Variants in STK4 observed in about 807,000 individuals in gnomAD.
STK4 encodes the protein serine/threonine kinase 4.
In STK4, 30 loss-of-function variants were observed where a neutral mutation model predicts 64.9. That is an observed-to-expected ratio of 0.46 (90% CI 0.35 to 0.63). The LOEUF (loss-of-function observed/expected upper bound fraction) is 0.63. STK4 is among the 20% of genes least tolerant of loss of function. The pLI, the probability that STK4 is intolerant of heterozygous loss-of-function variation, is 0.01. For synonymous variants in STK4, 177 were observed against 199.0 expected, an observed-to-expected ratio of 0.89 and a Z score of 0.93; for missense variants, 466 against 598.5, an observed-to-expected ratio of 0.78 and a Z score of 2.31.
intron 9 of STK4, 119 bp downstream of exon 9, chr20:45,001,472 G>A: frequency 2.4e-6 from 3 of 1,271,294 alleles, no homozygotes; most frequent in Non-Finnish European, 3.1e-6. Context: ...ACAACCAAAG[G>A]AGTAGAAAAC....
chr20:45,072,968 G>A lies in STK4; in HGVS notation c.1306-2050G>A, dbSNP rs1423776039. Among the ~76,000 whole-genome samples, 6 of 152,260 alleles carry A rather than the reference G, an allele frequency of 3.9e-5. No individual in the cohort carries two copies. The South Asian group carries it at 1.0e-3, about 26-fold the overall frequency. On this transcript the variant is annotated intron_variant, in intron 10 of 10. Coordinates refer to ENST00000372806, the MANE Select transcript of STK4 (RefSeq NM_006282.5). The stretch of plus-strand genomic sequence containing the variant: ...ATTATCTCATGTAAGTCTTAGTACC[G>A]CCCCAGGGTGGAGGAACAAAATAGT...
chr20:44,969,472 A>G (rs985695273), intron 1 of STK4, among the ~76,000 whole-genome samples: 1 of 152,132 alleles, frequency 6.6e-6, no homozygotes, highest in Non-Finnish European at 1.5e-5. Flanking sequence ...ACCCCAGTGC[A>G]GGAAATGCCC....
At chr20:44,968,539 A>T (rs75641996) in intron 1 of STK4, among the ~76,000 whole-genome samples, 2 of 152,184 alleles carry the variant, frequency 1.3e-5, no homozygotes. Flanking sequence ...TAGTGATCCA[A>T]TTATGAATGC....
intron 10 of STK4, among the ~76,000 whole-genome samples, chr20:45,047,957 G>A (rs929859026): frequency 4.6e-5 from 7 of 152,126 alleles, no homozygotes; most frequent in Admixed American, 6.5e-5. Context: ...AACTCTCTTG[G>A]TCTTTGTTTG....
intron 9 of STK4, among the ~76,000 whole-genome samples, chr20:45,023,117 T>G (rs2068278093): frequency 6.6e-6 from 1 of 152,198 alleles, no homozygotes; most frequent in African/African-American, 2.4e-5. Flanking sequence ...TCTCCCAGGC[T>G]GGAGTGCAGT....
chr20:45,052,667 T>C (rs1417672016), intron 10 of STK4, among the ~76,000 whole-genome samples: 2 of 152,122 alleles, frequency 1.3e-5, no homozygotes, highest in African/African-American at 2.4e-5. Flanking sequence ...GCCTGTTGAG[T>C]GTGTGAATTA....
chr20:45,047,095 A>C (rs2068708497), intron 10 of STK4, among the ~76,000 whole-genome samples: 1 of 152,198 alleles, frequency 6.6e-6, no homozygotes, highest in South Asian at 2.1e-4. Flanking sequence ...TTGGTCTCTT[A>C]AGACTAACTA....
chr20:44,981,803 A>C, intron 3 of STK4, 26 bp from the exon 4 acceptor site: 1 of 1,406,408 alleles, frequency 7.1e-7, no homozygotes, highest in South Asian at 1.2e-5. Context: ...CCATTTTATT[A>C]ATTTGTATTG....
At chr20:44,986,685 G>A (rs2067535910) in intron 4 of STK4, among the ~76,000 whole-genome samples, 1 of 152,214 alleles carries the variant, frequency 6.6e-6, no homozygotes, top group Admixed American at 6.5e-5. Context: ...TTGGACCATG[G>A]TGATTACAGA....
intron 2 of STK4, chr20:44,973,150 T>C (rs1190287339): frequency 6.6e-6 from 1 of 152,230 alleles, no homozygotes; most frequent in Non-Finnish European, 1.5e-5. Flanking sequence ...TTAAAATAAT[T>C]TCCTTTATGT....
At chr20:45,006,721 A>G (rs1443611176) in intron 9 of STK4, among the ~76,000 whole-genome samples, 1 of 152,134 alleles carries the variant, frequency 6.6e-6, no homozygotes, top group Non-Finnish European at 1.5e-5. Flanking sequence ...GGTACAGCCA[A>G]GGGAATTGTA....
At position 44,972,308 on chromosome 20, in the gene STK4, A is replaced by G. The variant is rs2067262315; in HGVS notation, c.116+150A>G. 3 of 665,596 alleles carry G rather than the reference A, an allele frequency of 4.5e-6. No individual in the cohort carries two copies. The South Asian group carries it at 6.0e-5, about 13-fold the overall frequency. The allele number at this position is 665,596 out of a possible 1,614,324, so 41.2% of individuals were successfully genotyped here. A position where few individuals can be genotyped will look rare whatever the true frequency, so the allele number is the denominator to read the frequency against. On this transcript the variant is annotated intron_variant, in intron 2 of 10. Transcript: ENST00000372806. Reference sequence around the variant, plus strand: ...TGATGTCCTTCTTCGCTTTACTCCAATCCCTATTATAGACAGATTTAGTGA... The same window carrying G: ...TGATGTCCTTCTTCGCTTTACTCCAGTCCCTATTATAGACAGATTTAGTGA...
At chr20:44,979,303 G>A (rs1268671057) in intron 3 of STK4, among the ~76,000 whole-genome samples, 2 of 152,098 alleles carry the variant, frequency 1.3e-5, no homozygotes, top group Admixed American at 1.3e-4. Flanking sequence ...TATAAAAAAA[G>A]AGTAGTTATG....
intron 10 of STK4, among the ~76,000 whole-genome samples, chr20:45,061,157 G>T (rs114644943): frequency 0.025 from 3,816 of 152,032 alleles, 139 homozygotes; most frequent in African/African-American, 0.082. Context: ...AACAAAACAG[G>T]TGCTTTGTGA....
intron 4 of STK4, among the ~76,000 whole-genome samples, chr20:44,985,882 G>T (rs1173740749): frequency 2.0e-5 from 3 of 152,188 alleles, no homozygotes; most frequent in African/African-American, 7.2e-5. Context: ...TACAGTTTTT[G>T]CACCAGAGCA....
At chr20:45,043,593 A>G (rs1035398920) in intron 10 of STK4, among the ~76,000 whole-genome samples, 3 of 152,254 alleles carry the variant, frequency 2.0e-5, no homozygotes, top group African/African-American at 4.8e-5. Flanking sequence ...GGGGCCTGCA[A>G]TATAATACAG....
At chr20:45,007,861 C>T in intron 9 of STK4, 1 of 341,842 alleles carries the variant, frequency 2.9e-6, no homozygotes, top group Non-Finnish European at 5.9e-6. Context: ...GACCCAGTAG[C>T]TAGTTTTTCG....
intron 9 of STK4, among the ~76,000 whole-genome samples, chr20:45,022,611 T>C (rs371471348): frequency 1.1e-3 from 165 of 152,348 alleles, no homozygotes; most frequent in African/African-American, 3.5e-3. Flanking sequence ...ACCACAGAAA[T>C]GTTATCTTTA....
intron 4 of STK4, among the ~76,000 whole-genome samples, chr20:44,985,928 G>T (rs949192535): frequency 6.6e-6 from 1 of 152,278 alleles, no homozygotes; most frequent in South Asian, 2.1e-4. Context: ...TGTCAGAAGG[G>T]GAACTATGTA....
Sources: allele counts gnomAD v4.1 joint callset (sites outside exome capture counted in the v4.1 genomes callset), GRCh38; gene constraint gnomAD v4.1.1; transcripts MANE v1.5; gene names NCBI Gene and HGNC (gene_info 2026-07-23, HGNC 2026-07-21).